The following UBTD2 variants were observed in gnomAD, a reference collection of about 807,000 sequenced individuals.
UBTD2 encodes ubiquitin domain-containing protein 2.
In UBTD2, 9 loss-of-function variants were observed where a neutral mutation model predicts 19.8. That is an observed-to-expected ratio of 0.46 (90% CI 0.27 to 0.79). The LOEUF is 0.79. UBTD2 is among the 30% of genes least tolerant of loss of function. The pLI, the probability that UBTD2 is intolerant of heterozygous loss-of-function variation, is 0.14. For missense variants in UBTD2, 250 were observed against 300.4 expected (o/e 0.83, Z 1.24); for synonymous variants, 98 against 103.9 (o/e 0.94, Z 0.35).
Position 172,212,072 on chromosome 5 carries a change from G to A in UBTD2, c.463C>T (p.Arg155Cys), listed in dbSNP as rs376318802. Residue 155 changes from arginine to cysteine, a missense_variant, in exon 3 of 3, where the codon CGT becomes TGT. Physicochemically the swap from Arg to Cys is radical, Grantham distance 180. Coordinates refer to ENST00000393792, the MANE Select transcript of UBTD2 (RefSeq NM_152277.3). ...PPNSGYECQL[R>C]LRLSTGKDLK... The stretch of plus-strand genomic sequence containing the variant: ...TCTTTGCCTGTGGAAAGGCGCAAAC[G>A]AAGCTGACATTCATATCCAGAATTG... 10 of 1,614,084 alleles carry A rather than the reference G, an allele frequency of 6.2e-6. No individual in the cohort carries two copies. The highest frequency in any genetic ancestry group is 1.1e-5 in the South Asian group (1 of 91,088).
chr5:172,253,423 G>A (rs955066981), intron 1 of UBTD2, among the ~76,000 whole-genome samples: 13 of 151,312 alleles, frequency 8.6e-5, no homozygotes, highest in African/African-American at 3.2e-4. Context: ...CAAATCAACT[G>A]ACAAAATTGA....
At chr5:172,266,764 C>CAGT (rs1325953718) in intron 1 of UBTD2, among the ~76,000 whole-genome samples, 1 of 152,192 alleles carries the variant, frequency 6.6e-6, no homozygotes, top group Non-Finnish European at 1.5e-5. Context: ...TGGCCGGCTG[C>CAGT]AGTAGCTCAT....
At chr5:172,239,440 G>C (rs1472006667) in intron 1 of UBTD2, among the ~76,000 whole-genome samples, 1 of 151,904 alleles carries the variant, frequency 6.6e-6, no homozygotes, top group Non-Finnish European at 1.5e-5. Flanking sequence ...TTTCCTTTGA[G>C]ATGGAGTTTC....
At chr5:172,282,593 G>A (rs1363670154) in intron 1 of UBTD2, among the ~76,000 whole-genome samples, 1 of 152,164 alleles carries the variant, frequency 6.6e-6, no homozygotes, top group African/African-American at 2.4e-5. Flanking sequence ...TTACAGACAT[G>A]CACATTTTAA....
chr5:172,258,470 T>C (rs1361037378), intron 1 of UBTD2, among the ~76,000 whole-genome samples: 3 of 152,244 alleles, frequency 2.0e-5, no homozygotes, highest in Admixed American at 6.5e-5. Context: ...TTGGCCTTTT[T>C]GGTTCCATAT....
At chr5:172,230,698 A>G (rs564398854) in intron 2 of UBTD2, among the ~76,000 whole-genome samples, 65 of 152,308 alleles carry the variant, frequency 4.3e-4, no homozygotes, top group African/African-American at 1.1e-3. Context: ...TCTATGTAAT[A>G]ATTTAAACTT....
chr5:172,261,630 C>CT (rs967721607), intron 1 of UBTD2, among the ~76,000 whole-genome samples: 151 of 146,610 alleles, frequency 1.0e-3, no homozygotes, highest in South Asian at 1.3e-3. Context: ...CTCACATACA[C>CT]TTTTTTTTTT....
At chr5:172,224,119 G>T (rs1384091566) in intron 2 of UBTD2, among the ~76,000 whole-genome samples, 2 of 152,038 alleles carry the variant, frequency 1.3e-5, no homozygotes, top group African/African-American at 4.8e-5. Flanking sequence ...TGAGGCAACA[G>T]AAGATAGATG....
intron 1 of UBTD2, among the ~76,000 whole-genome samples, chr5:172,264,367 A>T (rs1189982183): frequency 6.6e-6 from 1 of 151,838 alleles, no homozygotes; most frequent in African/African-American, 2.4e-5. Context: ...GTTAATGGTG[A>T]AACCCCATCT....
chr5:172,236,367 G>A (rs1025001126), intron 1 of UBTD2, among the ~76,000 whole-genome samples: 1 of 152,216 alleles, frequency 6.6e-6, no homozygotes, highest in African/African-American at 2.4e-5. Context: ...TGTACTGAGT[G>A]TCTACTGGGA....
chr5:172,264,040 T>C (rs971677449), intron 1 of UBTD2, among the ~76,000 whole-genome samples: 1 of 152,118 alleles, frequency 6.6e-6, no homozygotes, highest in Non-Finnish European at 1.5e-5. Context: ...AAAGGATGAA[T>C]AGTTCTGACC....
At chr5:172,229,124 G>C (rs889842320) in intron 2 of UBTD2, among the ~76,000 whole-genome samples, 2 of 152,032 alleles carry the variant, frequency 1.3e-5, no homozygotes, top group African/African-American at 4.8e-5. Flanking sequence ...ATAAAATCGG[G>C]GTTAAATTTC....
chr5:172,253,774 T>C (rs1755079858), intron 1 of UBTD2, among the ~76,000 whole-genome samples: 1 of 151,870 alleles, frequency 6.6e-6, no homozygotes, highest in African/African-American at 2.4e-5. Context: ...ATTCTTAAAT[T>C]TTTTTTATTT....
rs140270713 is a variant in UBTD2 at position 172,281,065 on chromosome 5, T to C, written c.70+2531A>G. Among the ~76,000 whole-genome samples the C allele has an allele frequency of 4.3e-3, 660 of 152,274 alleles. 4 individuals carry two copies. The highest frequency in any genetic ancestry group is 0.015 in the African/African-American group (639 of 41,546). The stretch of plus-strand genomic sequence containing the variant: ...GTTTGCACAACACTGTGAATGTAAT[T>C]ATTTTGTTTATTTTTTTAAAGACAG... On this transcript the variant is annotated intron_variant, in intron 1 of 2. Transcript: ENST00000393792.
intron 2 of UBTD2, among the ~76,000 whole-genome samples, chr5:172,215,897 A>G (rs1360828478): frequency 1.3e-5 from 2 of 152,172 alleles, no homozygotes; most frequent in Non-Finnish European, 2.9e-5. Flanking sequence ...CTGAAAAGCA[A>G]AGACAAAAAA....
At chr5:172,232,473 G>A (rs1189076435) in intron 2 of UBTD2, among the ~76,000 whole-genome samples, 1 of 151,970 alleles carries the variant, frequency 6.6e-6, no homozygotes, top group African/African-American at 2.4e-5. Flanking sequence ...TCATAATAAA[G>A]AACAGGCAGC....
rs183253962 is a variant in UBTD2 at position 172,210,444 on chromosome 5, C to T, written c.*1386G>A. On this transcript the variant is annotated 3_prime_UTR_variant, in exon 3 of 3. Transcript: ENST00000393792. ...GGGCACAGTGGTCACATGTTAGCCC[C>T]CCTTCTCACTTATGGAACCAACTTT... 269 of 151,842 alleles carry T rather than the reference C, an allele frequency of 1.8e-3. 1 individual carries two copies. The highest frequency in any genetic ancestry group is 6.1e-3 in the African/African-American group (253 of 41,490). 9.4% of individuals were successfully genotyped at this position (151,842 alleles called of 1,614,324 possible). A position where few individuals can be genotyped will look rare whatever the true frequency, so the allele number is the denominator to read the frequency against.
At chr5:172,258,212 C>T (rs1315694589) in intron 1 of UBTD2, among the ~76,000 whole-genome samples, 3 of 152,210 alleles carry the variant, frequency 2.0e-5, no homozygotes, top group Admixed American at 2.0e-4. Flanking sequence ...CAATATTCTG[C>T]ATATGGCTAG....
At position 172,242,473 on chromosome 5, in the gene UBTD2, G is replaced by C. The variant is rs1380348618; in HGVS notation, c.71-8115C>G. 5.2e-6 allele frequency: 5 copies of C among 958,446 alleles called. No homozygotes were observed. In the Admixed American group the frequency reaches 3.1e-4, roughly 59 times the overall value. The allele number at this position is 958,446 out of a possible 1,614,324, so 59.4% of individuals were successfully genotyped here. On this transcript the variant is annotated intron_variant, in intron 1 of 2. Transcript: ENST00000393792. ...CTGGGGACAGTTTTGCCCTCCAGGG[G>C]ATATACGGCAATGTGTGAAGACATT...
Sources: gnomAD v4.1 joint callset for allele counts (sites outside exome capture counted in the v4.1 genomes callset) on GRCh38, gnomAD v4.1.1 for gene constraint, MANE v1.5 for transcripts, NCBI Gene and HGNC (gene_info 2026-07-23, HGNC 2026-07-21) for gene names.